Variants in SMARCA4 observed in about 807,000 individuals in gnomAD.
SMARCA4 encodes SWI/SNF-related matrix-associated actin-dependent regulator of chromatin subfamily A member 4.
SMARCA4 carries 31 observed loss-of-function variants against 193.9 expected under a neutral mutation model. That is an observed-to-expected ratio of 0.16 (90% CI 0.12 to 0.22). SMARCA4 has a LOEUF of 0.22. Ranked by LOEUF, SMARCA4 falls within the 10% of genes least tolerant of loss-of-function variation. The pLI, the probability that SMARCA4 is intolerant of heterozygous loss-of-function variation, is 1.00. For synonymous variants in SMARCA4, 942 were observed against 933.1 expected (o/e 1.01, Z -0.17); for missense variants, 1,148 against 2,296.0 (o/e 0.50, Z 10.22).
intron 11 of SMARCA4, among the ~76,000 whole-genome samples, chr19:10,999,828 G>A (rs564440939): frequency 6.6e-6 from 1 of 152,258 alleles, no homozygotes; most frequent in South Asian, 2.1e-4. Flanking sequence ...CAGAAAGTAC[G>A]TTCCAAAGTG....
intron 32 of SMARCA4, chr19:11,059,130 T>A: frequency 2.1e-6 from 1 of 486,026 alleles, no homozygotes; most frequent in Non-Finnish European, 3.7e-6. Context: ...AAGAAAAAAT[T>A]AAAAATTTCC....
chr19:10,983,227 T>C (rs1290287079), intron 1 of SMARCA4, among the ~76,000 whole-genome samples: 6 of 152,186 alleles, frequency 3.9e-5, no homozygotes, highest in Non-Finnish European at 7.3e-5. Context: ...CATCCCCTTA[T>C]GCATATTAGC....
At chr19:11,036,535 G>A (rs1021382033) in intron 29 of SMARCA4, among the ~76,000 whole-genome samples, 3 of 152,176 alleles carry the variant, frequency 2.0e-5, no homozygotes, top group Admixed American at 6.5e-5. Flanking sequence ...CTGGGATTAC[G>A]AGCATGAGCC....
chr19:11,059,565 A>G (rs1042491865), intron 32 of SMARCA4, among the ~76,000 whole-genome samples, 188 bp from the exon 33 acceptor site: 6 of 152,172 alleles, frequency 3.9e-5, no homozygotes, highest in Non-Finnish European at 8.8e-5. Flanking sequence ...TCGGGCCCCT[A>G]TGGAGGAAGA....
In SMARCA4 at chr19:10,990,837, G is replaced by A. The variant is rs902422207; in HGVS notation, c.1246-313G>A. Among the ~76,000 whole-genome samples, 8 of 152,224 alleles carry A rather than the reference G, an allele frequency of 5.3e-5. No individual in the cohort carries two copies. In the East Asian group the frequency reaches 1.3e-3, roughly 26 times the overall value. Reference sequence around the variant, plus strand: ...GCCTCCCAAAGTGTTGGGATTACTGGCGTTAAGCCACCACACCCAGCCAAG... The same window carrying A: ...GCCTCCCAAAGTGTTGGGATTACTGACGTTAAGCCACCACACCCAGCCAAG... On this transcript the variant is annotated intron_variant, in intron 7 of 34. Transcript: ENST00000344626.
chr19:11,015,832 C>T (rs1490404887), intron 16 of SMARCA4, among the ~76,000 whole-genome samples: 4 of 151,992 alleles, frequency 2.6e-5, no homozygotes, highest in Non-Finnish European at 4.4e-5. Context: ...CATGGTGAAA[C>T]CCTGTCCCTA....
chr19:10,999,941 T>A (rs1474732809), intron 11 of SMARCA4, among the ~76,000 whole-genome samples: 1 of 152,130 alleles, frequency 6.6e-6, no homozygotes, highest in Admixed American at 6.6e-5. Flanking sequence ...CAGAAGTTAC[T>A]GGGGCCGGGT....
At position 11,033,155 on chromosome 19, in the gene SMARCA4, G is replaced by T; in HGVS notation, c.3547-135G>T. 2.7e-6 allele frequency: 2 copies of T among 728,990 alleles called. No individual in the cohort carries two copies. The highest frequency in any genetic ancestry group is 4.9e-6 in the Non-Finnish European group (2 of 405,816). The allele number at this position is 728,990 out of a possible 1,614,324, so 45.2% of individuals were successfully genotyped here. ...TCCACCAGCTCTGTTTTCATGCGGC[G>T]GCAGGTCAGGCTGGGCAGAATTGTC... On this transcript the variant is annotated intron_variant, in intron 25 of 34. Coordinates refer to ENST00000344626, the MANE Select transcript of SMARCA4 (RefSeq NM_003072.5). This position sits in a 1 kb window ranked among gnomAD's most constrained non-coding sequence, Gnocchi z 9.8.
In SMARCA4 at chr19:10,986,157, C is replaced by T. The variant is rs11666942; in HGVS notation, c.356-32C>T. The T allele has an allele frequency of 6.8e-5, 106 of 1,556,166 alleles. No individual in the cohort carries two copies. The highest frequency in any genetic ancestry group is 1.7e-4 in the Middle Eastern group (1 of 5,980). Reference sequence around the variant, plus strand: ...TGTAAAAATCACAGACATATGCTGCCGAGTGACCAGTGGGCTGACCTTTCT... The same window carrying T: ...TGTAAAAATCACAGACATATGCTGCTGAGTGACCAGTGGGCTGACCTTTCT... On this transcript the variant is annotated intron_variant, in intron 3 of 34. Transcript: ENST00000344626. This position sits in a 1 kb window ranked among gnomAD's most constrained non-coding sequence, Gnocchi z 6.7.
At chr19:11,037,337 C>T (rs1014503518) in intron 29 of SMARCA4, among the ~76,000 whole-genome samples, 1 of 152,210 alleles carries the variant, frequency 6.6e-6, no homozygotes, top group Non-Finnish European at 1.5e-5. Flanking sequence ...CCCTCGCCCG[C>T]TGATTCTAGC....
rs1172738835 is a variant in SMARCA4, at chr19:11,058,405, G to A, written c.4533+42G>A. The stretch of plus-strand genomic sequence containing the variant: ...ACCTGCGCCCCGCATGTGCCCGGAG[G>A]GGAGTCTGACCCAGGGGCACCCCCA... On this transcript the variant is annotated intron_variant, in intron 31 of 34. Transcript: ENST00000344626. The surrounding 1 kb of genome is among the most constrained non-coding windows in gnomAD (Gnocchi z 5.8). The A allele has an allele frequency of 7.1e-7, 1 of 1,414,654 alleles. No homozygotes were observed. Among genetic ancestry groups the A allele is most frequent in the Non-Finnish European group, 1.0e-6 (1 of 1,001,756 alleles). 87.6% of individuals were successfully genotyped at this position (1,414,654 alleles called of 1,614,324 possible).
chr19:11,061,204 A>AAAAAAAAAAAAAAT (rs1555797070), intron 34 of SMARCA4, among the ~76,000 whole-genome samples: 1 of 45,218 alleles, frequency 2.2e-5, no homozygotes, highest in Non-Finnish European at 3.8e-5. Context: ...AAAAAAAAAA[A>AAAAAAAAAAAAAAT]ATATATATAT....
chr19:10,972,494 G>T (rs2084755245), intron 1 of SMARCA4, among the ~76,000 whole-genome samples: 1 of 152,062 alleles, frequency 6.6e-6, no homozygotes, highest in Non-Finnish European at 1.5e-5. Context: ...CACTCCTCCA[G>T]GTAGGAATTG....
chr19:10,984,089 T>C lies in SMARCA4; in HGVS notation c.-31-32T>C, dbSNP rs1246307444. The C allele has an allele frequency of 6.2e-7, 1 of 1,602,768 alleles. No homozygotes were observed. The highest frequency in any genetic ancestry group is 1.7e-5 in the Admixed American group (1 of 59,852). On this transcript the variant is annotated intron_variant, in intron 1 of 34. Transcript: ENST00000344626. The surrounding 1 kb of genome is among the most constrained non-coding windows in gnomAD (Gnocchi z 4.3). ...CCCTGTCCTGCCTCGCCCTTGGTCA[T>C]GAACCCCAGACTGACCAGGACTGTC... is the stretch of plus-strand genomic sequence containing the variant.
chr19:10,973,452 G>A (rs917334858), intron 1 of SMARCA4, among the ~76,000 whole-genome samples: 2 of 151,810 alleles, frequency 1.3e-5, no homozygotes, highest in African/African-American at 2.4e-5. Context: ...CCAGGCTAGA[G>A]TGCAGTGATG....
chr19:10,965,849 A>G (rs572209606), intron 1 of SMARCA4, among the ~76,000 whole-genome samples: 17 of 152,154 alleles, frequency 1.1e-4, no homozygotes, highest in Admixed American at 2.6e-4. Context: ...GGAAGGTATA[A>G]TCTTATGGGA....
chr19:10,995,994 G>C, intron 9 of SMARCA4: 1 of 630,588 alleles, frequency 1.6e-6, no homozygotes, highest in South Asian at 1.7e-5. Flanking sequence ...GGCTGCTGGC[G>C]GGACTGTCTG....
Position 11,030,779 on chromosome 19 carries a change from G to C in SMARCA4, c.3432G>C (p.Glu1144Asp), listed in dbSNP as rs1405829629. 6.2e-7 allele frequency: 1 copy of C among 1,610,686 alleles called. No individual in the cohort carries two copies. The highest frequency in any genetic ancestry group is 1.1e-5 in the South Asian group (1 of 90,290). Residue 1144 changes from glutamate to aspartate, a missense_variant, in exon 25 of 35, where the codon GAG becomes GAC. Physicochemically the swap from Glu to Asp is conservative, Grantham distance 45. This residue lies in a region of SMARCA4 where 74 missense variants were observed against 392.3 expected (regional missense o/e 0.19). Transcript: ENST00000344626. This position sits in a 1 kb window ranked among gnomAD's most constrained non-coding sequence, Gnocchi z 5.5. ...GCATGCTGCTGAAAACCTTCAACGA[G>C]CCCGGCTCTGAGTACTTCATCTTCC... ...DRGMLLKTFN[E>D]PGSEYFIFLL...
rs372130447 is a variant in SMARCA4 at position 10,964,304 on chromosome 19, T to C, written c.-32+3130T>C. Among the ~76,000 whole-genome samples, 481 of 151,846 alleles carry C rather than the reference T, an allele frequency of 3.2e-3. 2 individuals carry two copies. The highest frequency in any genetic ancestry group is 5.0e-3 in the Non-Finnish European group (340 of 67,914). The stretch of plus-strand genomic sequence containing the variant: ...TTTGGGCAGATGTCTGGTGGAACTT[T>C]CTTTCTTTCTTTCTTTTTTTTTTGA... On this transcript the variant is annotated intron_variant, in intron 1 of 34. Coordinates refer to ENST00000344626, the MANE Select transcript of SMARCA4 (RefSeq NM_003072.5).
Sources: gnomAD v4.1 joint callset for allele counts (sites outside exome capture counted in the v4.1 genomes callset) on GRCh38, gnomAD v4.1.1 for gene constraint, gnomAD v4.1.1 regional missense constraint, Gnocchi (gnomAD v3.1) non-coding constraint, MANE v1.5 for transcripts, NCBI Gene and HGNC (gene_info 2026-07-23, HGNC 2026-07-21) for gene names.